SLC2A5: variants seen among roughly 807,000 people sequenced by gnomAD.
The protein encoded by SLC2A5 is solute carrier family 2, facilitated glucose transporter member 5.
A neutral mutation model predicts 50.3 loss-of-function variants in SLC2A5; 56 were observed. That is an observed-to-expected ratio of 1.11 (90% CI 0.90 to 1.39). The LOEUF (loss-of-function observed/expected upper bound fraction) is 1.39, where lower values mean the gene tolerates loss of function less well. Among genes scored for constraint, SLC2A5 ranks in the 40% most tolerant of loss-of-function variants. The pLI is 0.00. For missense variants in SLC2A5, 566 were observed against 650.1 expected (o/e 0.87, Z 1.41); for synonymous variants, 269 against 281.9 (o/e 0.95, Z 0.46).
chr1:9,043,852 GC>G (rs1641369032), intron 4 of SLC2A5, among the ~76,000 whole-genome samples: 2 of 151,814 alleles, frequency 1.3e-5, no homozygotes, highest in Admixed American at 1.3e-4. Flanking sequence ...CTCCTGAGTA[GC>G]TGGGATTACA....
intron 1 of SLC2A5, among the ~76,000 whole-genome samples, chr1:9,087,122 C>T (rs557480258): frequency 1.1e-4 from 17 of 152,248 alleles, no homozygotes; most frequent in South Asian, 4.1e-4. Flanking sequence ...TCACCTAACT[C>T]GGCCAGAAGC....
intron 2 of SLC2A5, among the ~76,000 whole-genome samples, chr1:9,079,167 C>A (rs767032129): frequency 1.3e-5 from 2 of 152,142 alleles, no homozygotes; most frequent in Non-Finnish European, 2.9e-5. Context: ...CCTTCAGGAG[C>A]CAGTTCTGTA....
In SLC2A5 at chr1:9,041,613, A is replaced by G. The variant is rs112873313; in HGVS notation, c.571+172T>C. On this transcript the variant is annotated intron_variant, in intron 5 of 11. Coordinates refer to ENST00000377424, the MANE Select transcript of SLC2A5 (RefSeq NM_003039.3). The stretch of plus-strand genomic sequence containing the variant: ...CCAGTCCCTTATCGCGCCTTTGTCC[A>G]TGGCCTGCTATGTTGGCTCGGGACA... The G allele has an allele frequency of 3.2e-5, 47 of 1,464,860 alleles. No homozygotes were observed. In the African/African-American group the frequency reaches 5.9e-4, roughly 19 times the overall value. 90.7% of individuals were successfully genotyped at this position (1,464,860 alleles called of 1,614,324 possible). A position where few individuals can be genotyped will look rare whatever the true frequency, so the allele number is the denominator to read the frequency against.
At chr1:9,039,700 G>A in intron 7 of SLC2A5, 38 bp from the exon 8 acceptor site, 1 of 1,469,054 alleles carries the variant, frequency 6.8e-7, no homozygotes, top group Non-Finnish European at 9.0e-7. Context: ...CTGCCCGGAG[G>A]AGGCGGCCTC....
At chr1:9,049,141 G>A (rs1442237307) in intron 3 of SLC2A5, 1 of 456,014 alleles carries the variant, frequency 2.2e-6, no homozygotes, top group Non-Finnish European at 4.4e-6. Flanking sequence ...TCTCTGGAGG[G>A]GCCTCTCGCA....
chr1:9,044,833 G>T (rs531348447), intron 4 of SLC2A5, among the ~76,000 whole-genome samples: 4 of 152,288 alleles, frequency 2.6e-5, no homozygotes, highest in Non-Finnish European at 5.9e-5. Flanking sequence ...GGTATTACAG[G>T]CATGAGCCAC....
intron 1 of SLC2A5, among the ~76,000 whole-genome samples, chr1:9,065,922 T>TGATAGAGCCAGAC (rs1553170910): frequency 2.0e-5 from 3 of 151,622 alleles, no homozygotes; most frequent in African/African-American, 4.8e-5. Context: ...CCTGCCTGGG[T>TGATAGAGCCAGAC]GATAGAGCCA....
At chr1:9,090,105 G>A (rs1642447621), upstream of SLC2A5, among the ~76,000 whole-genome samples, 1 of 151,892 alleles carries the variant, frequency 6.6e-6, no homozygotes, top group Non-Finnish European at 1.5e-5. Context: ...CTCTTTTTTG[G>A]TCATTCCTCA....
At chr1:9,074,037 A>G (rs6698677), upstream of SLC2A5, among the ~76,000 whole-genome samples, 65,522 of 151,634 alleles carry the variant, frequency 0.43, 14,672 homozygotes, top group East Asian at 0.66. Context: ...CTGAGATCAA[A>G]CCACTGCACT....
upstream of SLC2A5, among the ~76,000 whole-genome samples, chr1:9,091,245 A>G (rs531224768): frequency 9.9e-5 from 15 of 152,270 alleles, no homozygotes; most frequent in Middle Eastern, 6.8e-3. Context: ...AACATGCCTT[A>G]TTACAGGACC....
chr1:9,086,438 G>A (rs1161975972), intron 1 of SLC2A5, among the ~76,000 whole-genome samples: 1 of 150,390 alleles, frequency 6.6e-6, no homozygotes, highest in East Asian at 1.9e-4. Context: ...GCCCAGGCTG[G>A]AGTGTAGTGG....
At chr1:9,056,088 G>A (rs1641742590) in intron 3 of SLC2A5, among the ~76,000 whole-genome samples, 1 of 152,190 alleles carries the variant, frequency 6.6e-6, no homozygotes, top group Non-Finnish European at 1.5e-5. Context: ...ATTCTGACTG[G>A]AGGGATGTTC....
chr1:9,046,194 C>T (rs961439308), intron 4 of SLC2A5, among the ~76,000 whole-genome samples: 3 of 152,086 alleles, frequency 2.0e-5, no homozygotes, highest in African/African-American at 7.2e-5. Context: ...CCTCAAGGGG[C>T]CCACTCTGCA....
intron 1 of SLC2A5, among the ~76,000 whole-genome samples, chr1:9,064,565 C>T (rs911761641): frequency 6.6e-6 from 1 of 152,108 alleles, no homozygotes; most frequent in Non-Finnish European, 1.5e-5. Context: ...AGAAAAGAAA[C>T]TTTTTGGGGG....
At position 9,039,534 on chromosome 1, in the gene SLC2A5, A is replaced by C; in HGVS notation, c.996+18T>G. ...GGGGCCTTGGGTGGAGGCTGTGGGC[A>C]GCTCCCAGGACACTCACGGCGCAGA... On this transcript the variant is annotated intron_variant, in intron 8 of 11. Transcript: ENST00000377424. 1 of 1,535,282 alleles carries C rather than the reference A, an allele frequency of 6.5e-7. No homozygotes were observed. Among genetic ancestry groups the C allele is most frequent in the Non-Finnish European group, 8.8e-7 (1 of 1,135,076 alleles).
upstream of SLC2A5, among the ~76,000 whole-genome samples, chr1:9,072,883 A>G (rs1267869551): frequency 6.6e-6 from 1 of 151,686 alleles, no homozygotes. Flanking sequence ...AATCGCTTGA[A>G]CCCAAGAGGC....
intron 1 of SLC2A5, among the ~76,000 whole-genome samples, chr1:9,062,206 T>C (rs1160677023): frequency 6.6e-6 from 1 of 152,188 alleles, no homozygotes; most frequent in African/African-American, 2.4e-5. Context: ...CAGCAGACTA[T>C]TGTCAATGGT....
upstream of SLC2A5, among the ~76,000 whole-genome samples, chr1:9,070,072 G>GTTT (rs56828280): frequency 8.7e-3 from 541 of 62,514 alleles, 74 homozygotes; most frequent in African/African-American, 0.032. Context: ...CTCATTTTCT[G>GTTT]TTTTTTTTTT....
intron 2 of SLC2A5, among the ~76,000 whole-genome samples, chr1:9,078,570 C>G (rs1642318142): frequency 6.6e-6 from 1 of 152,182 alleles, no homozygotes; most frequent in Admixed American, 6.6e-5. Flanking sequence ...AACCAAGAAC[C>G]ACTTGTATCC....
Sources: allele counts gnomAD v4.1 joint callset (sites outside exome capture counted in the v4.1 genomes callset), GRCh38; gene constraint gnomAD v4.1.1; transcripts MANE v1.5; gene names NCBI Gene and HGNC (gene_info 2026-07-23, HGNC 2026-07-21).